MAPK8IP3: variants seen among roughly 807,000 people sequenced by gnomAD.
The protein encoded by MAPK8IP3 is mitogen-activated protein kinase 8 interacting protein 3.
In MAPK8IP3, 49 loss-of-function variants were observed where a neutral mutation model predicts 157.8. That is an observed-to-expected ratio of 0.31 (90% CI 0.25 to 0.39). The LOEUF (loss-of-function observed/expected upper bound fraction) is 0.39, where lower values mean the gene tolerates loss of function less well. MAPK8IP3 is among the 10% of genes least tolerant of loss of function. The pLI is 1.00. For missense variants in MAPK8IP3, 1,478 were observed against 1,889.4 expected (o/e 0.78, Z 4.04); for synonymous variants, 897 against 777.7 (o/e 1.15, Z -2.55).
rs1272251946 is a variant in MAPK8IP3, at chr16:1,748,683, G to A, written c.1179G>A (p.Glu393=). 1 of 1,614,100 alleles carries A rather than the reference G, an allele frequency of 6.2e-7. No homozygotes were observed. The highest frequency in any genetic ancestry group is 1.3e-5 in the African/African-American group (1 of 74,944). ...ATGAGCTGTCGACGGCAGGGTCTGA[G>A]GTCATCGGGGATGTGGACGAAGGGG... ...LYHELSTAGS[E]VIGDVDEGAD... The change falls in exon 8 of 32, where the codon GAG becomes GAA. Residue 393 remains glutamate, a synonymous_variant. Transcript: ENST00000610761.
chr16:1,714,394 T>C (rs774990870), intron 1 of MAPK8IP3, among the ~76,000 whole-genome samples: 2 of 152,176 alleles, frequency 1.3e-5, no homozygotes, highest in African/African-American at 4.8e-5. Flanking sequence ...TCTGGTGCAT[T>C]TTCTTTTGAG....
intron 1 of MAPK8IP3, chr16:1,707,671 G>A (rs2037490400): frequency 2.0e-5 from 3 of 152,172 alleles, no homozygotes; most frequent in Admixed American, 2.0e-4. Flanking sequence ...TCCCTGCTTT[G>A]CCTCTGTGAC....
chr16:1,758,434 G>A (rs796857559), intron 9 of MAPK8IP3, among the ~76,000 whole-genome samples: 1 of 152,130 alleles, frequency 6.6e-6, no homozygotes, highest in South Asian at 2.1e-4. Context: ...AGCCACGCAC[G>A]GCAGTGACTG....
intron 1 of MAPK8IP3, among the ~76,000 whole-genome samples, chr16:1,714,536 G>C (rs11860396): frequency 6.6e-4 from 100 of 152,310 alleles, no homozygotes; most frequent in Middle Eastern, 3.4e-3. Context: ...TCAACAACCA[G>C]ATTCAAAACT....
intron 4 of MAPK8IP3, among the ~76,000 whole-genome samples, chr16:1,736,812 CCGTCCGTGTGAG>C (rs1451384213): frequency 4.2e-5 from 2 of 47,798 alleles, no homozygotes; most frequent in South Asian, 1.5e-3. Context: ...GAGCGTGTGA[CCGTCCGTGTGAG>C]CGTCCGTGTG....
chr16:1,748,398 G>A (rs780233093), intron 7 of MAPK8IP3, 52 bp downstream of exon 7: 11 of 1,495,586 alleles, frequency 7.4e-6, no homozygotes, highest in African/African-American at 1.4e-5. Context: ...ATTTATCCAA[G>A]TCGGTGTCTT....
In MAPK8IP3 at chr16:1,747,045, T is replaced by C; in HGVS notation, c.764T>C (p.Met255Thr). The C allele has an allele frequency of 6.2e-7, 1 of 1,613,560 alleles. No homozygotes were observed. Among genetic ancestry groups the C allele is most frequent in the African/African-American group, 1.3e-5 (1 of 75,044 alleles). ...SSSYQCPQDE[M>T]SESGQSSAAA... Reference sequence around the variant, plus strand: ...TGGCCTTAGTGTCCACAGGATGAAATGTCCGAGTCAGGCCAGTCCTCGGCG... The same window carrying C: ...TGGCCTTAGTGTCCACAGGATGAAACGTCCGAGTCAGGCCAGTCCTCGGCG... The change falls in exon 6 of 32, where the codon ATG becomes ACG. Residue 255 changes from methionine to threonine, a missense_variant. Physicochemically the swap from Met to Thr is moderately conservative, Grantham distance 81. Transcript: ENST00000610761.
chr16:1,765,944 C>T lies in MAPK8IP3; in HGVS notation c.2447-16C>T. 2 of 1,600,986 alleles carry T rather than the reference C, an allele frequency of 1.2e-6. No individual in the cohort carries two copies. Among genetic ancestry groups the T allele is most frequent in the South Asian group, 1.1e-5 (1 of 89,762 alleles). ...GGGTTCCCCCGCACAGGCTGACGGGCCGTCCCTCTCCCCAGCGGCCAGCGA... is the reference window on the plus strand; with the variant it reads ...GGGTTCCCCCGCACAGGCTGACGGGTCGTCCCTCTCCCCAGCGGCCAGCGA... On this transcript the variant is annotated splice_polypyrimidine_tract_variant and intron_variant, in intron 20 of 31. Transcript: ENST00000610761.
intron 2 of MAPK8IP3, among the ~76,000 whole-genome samples, chr16:1,725,387 G>A (rs2038809873): frequency 6.6e-6 from 1 of 151,088 alleles, no homozygotes; most frequent in East Asian, 1.9e-4. Flanking sequence ...CAGCACTTTG[G>A]GAGGCCAAGG....
intron 2 of MAPK8IP3, among the ~76,000 whole-genome samples, chr16:1,728,558 A>G (rs536127735): frequency 6.8e-6 from 1 of 146,542 alleles, no homozygotes; most frequent in South Asian, 2.1e-4. Context: ...TTCCCATGGC[A>G]CAGGGCACAC....
At chr16:1,761,545 C>T (rs989058792) in intron 13 of MAPK8IP3, among the ~76,000 whole-genome samples, 6 of 148,616 alleles carry the variant, frequency 4.0e-5, no homozygotes, top group Admixed American at 1.3e-4. Context: ...GCAGGGCGGC[C>T]GCCATTCACC....
At chr16:1,761,399 C>CCACCATT (rs1204728529) in intron 13 of MAPK8IP3, 94 bp downstream of exon 13, 2 of 1,054,012 alleles carry the variant, frequency 1.9e-6, no homozygotes, top group Non-Finnish European at 2.9e-6. Context: ...CACAGGGTGA[C>CCACCATT]CACCATTCAC....
In MAPK8IP3 at chr16:1,766,654, A is replaced by G. The variant is rs2042279387; in HGVS notation, c.2939+6A>G. 5 of 1,612,220 alleles carry G rather than the reference A, an allele frequency of 3.1e-6. No homozygotes were observed. The highest frequency in any genetic ancestry group is 4.2e-6 in the Non-Finnish European group (5 of 1,179,812). ...CTGGGAGCCCAGAACGGCTGGTAGG[A>G]AGGGCCCGGGGCAAGGTGGAGGGAG... On this transcript the variant is annotated splice_donor_region_variant and intron_variant, in intron 23 of 31. Coordinates refer to ENST00000610761, the MANE Select transcript of MAPK8IP3 (RefSeq NM_001318852.2).
chr16:1,767,284 C>G lies in MAPK8IP3; in HGVS notation c.3224C>G (p.Thr1075Ser). ...KNKVHVIQPKTMQIEKSFDAH... is the reference protein window; with the variant it reads ...KNKVHVIQPKSMQIEKSFDAH... ...AAGGTGCACGTCATCCAGCCCAAGA[C>G]CATGCAGATAGAGGCGAGTGCCGGC... The change falls in exon 26 of 32, where the codon ACC becomes AGC. Residue 1075 changes from threonine (T) to serine (S), a missense_variant. Thr to Ser is a moderately conservative substitution (Grantham distance 58). Around this residue, in one of 11 missense-constraint regions of MAPK8IP3, gnomAD observed 669 missense variants for 759.8 expected, o/e 0.88. Transcript: ENST00000610761. The G allele has an allele frequency of 1.2e-6, 2 of 1,613,226 alleles. No homozygotes were observed. The highest frequency in any genetic ancestry group is 8.5e-7 in the Non-Finnish European group (1 of 1,179,992).
In MAPK8IP3 at chr16:1,766,306, G is replaced by A; in HGVS notation, c.2716G>A (p.Gly906Arg). 1 of 1,612,682 alleles carries A rather than the reference G, an allele frequency of 6.2e-7. No individual in the cohort carries two copies. Among genetic ancestry groups the A allele is most frequent in the East Asian group, 2.2e-5 (1 of 44,876 alleles). Residue 906 changes from glycine (G) to arginine (R), a missense_variant, in exon 22 of 32, where the codon GGG becomes AGG. Physicochemically the swap from Gly to Arg is moderately radical, Grantham distance 125. Transcript: ENST00000610761. ...ATEATEVPDP[G>R]PSEPETATLR... The stretch of plus-strand genomic sequence containing the variant: ...AGAGGCCACGGAGGTGCCAGACCCT[G>A]GGCCCAGCGAGCCAGAGACAGCCAC...
In MAPK8IP3 at chr16:1,766,110, G is replaced by A. The variant is rs774868902; in HGVS notation, c.2597G>A (p.Arg866Gln). 1.5e-5 allele frequency: 24 copies of A among 1,612,442 alleles called. No individual in the cohort carries two copies. Among genetic ancestry groups the A allele is most frequent in the South Asian group, 1.3e-4 (12 of 91,066 alleles). ...CNVPRSNCSS[R>Q]GDTPVLDKGQ... ...GTGCCGCGGAGCAACTGCTCCTCCC[G>A]AGGGGACACCCCAGTGCTAGACAAG... The change falls in exon 21 of 32, where the codon CGA becomes CAA. Residue 866 changes from arginine (R) to glutamine (Q), a missense_variant. Arg to Gln is a conservative substitution (Grantham distance 43). Transcript: ENST00000610761.
chr16:1,711,808 T>A (rs1485935035), intron 1 of MAPK8IP3, among the ~76,000 whole-genome samples: 1 of 151,810 alleles, frequency 6.6e-6, no homozygotes, highest in Non-Finnish European at 1.5e-5. Flanking sequence ...GGCATGGTGA[T>A]GCACACCTGT....
intron 8 of MAPK8IP3, among the ~76,000 whole-genome samples, chr16:1,754,883 G>C (rs538820114): frequency 1.3e-5 from 2 of 152,160 alleles, no homozygotes; most frequent in African/African-American, 2.4e-5. Context: ...GTGTTGCCAC[G>C]TGCCCGGACC....
At chr16:1,718,095 C>T (rs1019594018) in intron 1 of MAPK8IP3, among the ~76,000 whole-genome samples, 4 of 152,124 alleles carry the variant, frequency 2.6e-5, no homozygotes, top group East Asian at 1.9e-4. Flanking sequence ...CCTCAAGGTT[C>T]GCCCGCCTCG....
Sources: allele counts gnomAD v4.1 joint callset (sites outside exome capture counted in the v4.1 genomes callset), GRCh38; gene constraint gnomAD v4.1.1; regional missense constraint gnomAD v4.1.1; transcripts MANE v1.5; gene names NCBI Gene and HGNC (gene_info 2026-07-23, HGNC 2026-07-21).